The following EXTL3 variants were observed in gnomAD, a reference collection of about 807,000 sequenced individuals.
The protein encoded by EXTL3 is exostosin like glycosyltransferase 3.
A neutral mutation model predicts 69.3 loss-of-function variants in EXTL3; 27 were observed. The ratio of observed to expected loss-of-function variants is 0.39; its 90% CI spans 0.29 to 0.54. The LOEUF (loss-of-function observed/expected upper bound fraction) is 0.54. Among genes scored for constraint, EXTL3 ranks in the 20% least tolerant of loss-of-function variants. The pLI, the probability that EXTL3 is intolerant of heterozygous loss-of-function variation, is 0.69. For missense variants in EXTL3, 1,003 were observed against 1,231.8 expected (o/e 0.81, Z 2.78); for synonymous variants, 511 against 499.4 (o/e 1.02, Z -0.31).
intron 1 of EXTL3, among the ~76,000 whole-genome samples, chr8:28,712,640 T>C (rs1182248919): frequency 6.6e-6 from 1 of 152,218 alleles, no homozygotes; most frequent in East Asian, 1.9e-4. Context: ...TTTTCTTTTG[T>C]GCTTGAAATA....
At chr8:28,695,497 T>C (rs1433725979) in intron 1 of EXTL3, among the ~76,000 whole-genome samples, 2 of 152,250 alleles carry the variant, frequency 1.3e-5, no homozygotes, top group African/African-American at 4.8e-5. Context: ...GTCAACAGCC[T>C]CTGAGGCTTC....
At chr8:28,731,616 C>T (rs1386587918) in intron 4 of EXTL3, among the ~76,000 whole-genome samples, 27 of 152,186 alleles carry the variant, frequency 1.8e-4, no homozygotes, top group Admixed American at 1.8e-3. Flanking sequence ...CCCTGGTTAC[C>T]TGCCTGTTCC....
chr8:28,750,193 G>A lies in EXTL3; in HGVS notation c.2551-464G>A, dbSNP rs574932475. Among the ~76,000 whole-genome samples, 1 of 152,286 alleles carries A rather than the reference G, an allele frequency of 6.6e-6. No homozygotes were observed. The highest frequency in any genetic ancestry group is 1.9e-4 in the East Asian group (1 of 5,190). ...TGGCCACTTTCCCATGGCTTTAAAT[G>A]TAGTTAAGCATCTTTTTTATGGACA... is the stretch of plus-strand genomic sequence containing the variant. On this transcript the variant is annotated intron_variant, in intron 6 of 6. Coordinates refer to ENST00000220562, the MANE Select transcript of EXTL3 (RefSeq NM_001440.4). The surrounding 1 kb of genome is among the most constrained non-coding windows in gnomAD (Gnocchi z 5.2).
At chr8:28,620,665 CTG>C (rs1480575349), upstream of EXTL3, among the ~76,000 whole-genome samples, 2 of 152,214 alleles carry the variant, frequency 1.3e-5, no homozygotes, top group African/African-American at 4.8e-5. Flanking sequence ...AACAAAAACA[CTG>C]TAATCAATTT....
At chr8:28,657,764 A>G (rs780134252) in intron 1 of EXTL3, among the ~76,000 whole-genome samples, 13 of 152,138 alleles carry the variant, frequency 8.5e-5, no homozygotes, top group Non-Finnish European at 1.6e-4. Context: ...ACACAACTTG[A>G]AGCCAGTAGC....
upstream of EXTL3, among the ~76,000 whole-genome samples, chr8:28,698,769 G>A (rs1800724737): frequency 6.6e-6 from 1 of 152,134 alleles, no homozygotes; most frequent in African/African-American, 2.4e-5. Flanking sequence ...CGAGGTGGGC[G>A]GATCACTTGA....
At chr8:28,712,290 G>T (rs535442504) in intron 1 of EXTL3, among the ~76,000 whole-genome samples, 1 of 152,284 alleles carries the variant, frequency 6.6e-6, no homozygotes, top group East Asian at 1.9e-4. Context: ...GAGAGCAAGG[G>T]GAAGAGCGAT....
chr8:28,630,046 T>G (rs1366468968), intron 1 of EXTL3, among the ~76,000 whole-genome samples: 2 of 152,162 alleles, frequency 1.3e-5, no homozygotes, highest in East Asian at 3.9e-4. Context: ...CCTCTTTTTC[T>G]TTTTTAACTG....
In EXTL3 at chr8:28,676,134, A is replaced by G. The variant is rs78278453; in HGVS notation, c.-52-37323A>G. 3.9e-3 allele frequency among the ~76,000 whole-genome samples: 591 copies of G among 152,202 alleles called. 5 individuals carry two copies. Among genetic ancestry groups the G allele is most frequent in the African/African-American group, 0.014 (572 of 41,526 alleles). On this transcript the variant is annotated intron_variant, in intron 1 of 6. Transcript: ENST00000523149. ...CGTGAGTGAACTGGAGATGGTGGAC[A>G]TGTCTTGGTTTAATGTGGAGGAAGG...
intron 1 of EXTL3, among the ~76,000 whole-genome samples, chr8:28,676,582 G>A (rs1014822382): frequency 6.6e-6 from 1 of 152,138 alleles, no homozygotes; most frequent in Non-Finnish European, 1.5e-5. Flanking sequence ...AAGAGGTCTG[G>A]GATAGAGACA....
At chr8:28,619,314 A>C (rs909211676), upstream of EXTL3, among the ~76,000 whole-genome samples, 1 of 125,470 alleles carries the variant, frequency 8.0e-6, no homozygotes, top group East Asian at 2.4e-4. Context: ...AAAAAAAAAA[A>C]ACCCTGTGTG....
intron 1 of EXTL3, among the ~76,000 whole-genome samples, chr8:28,625,914 A>C (rs1225444718): frequency 1.4e-5 from 2 of 144,540 alleles, no homozygotes; most frequent in Non-Finnish European, 3.0e-5. Context: ...TAATCCCAGC[A>C]CTTTGGGAGG....
chr8:28,716,290 G>A lies in EXTL3; in HGVS notation c.231G>A (p.Lys77=), dbSNP rs1012943161. Residue 77 remains lysine, a synonymous_variant, in exon 3 of 7, where the codon AAG becomes AAA. Transcript: ENST00000220562. The surrounding 1 kb of genome is among the most constrained non-coding windows in gnomAD (Gnocchi z 7.1). ...PRVGNELCEV[K]HVLDLCRIRE... is the part of the protein sequence containing the mutation. ...TGGGGAACGAGCTGTGCGAGGTGAA[G>A]CACGTGCTGGATCTGTGCCGCATCC... is the stretch of plus-strand genomic sequence containing the variant. 9.3e-6 allele frequency: 15 copies of A among 1,614,104 alleles called. No homozygotes were observed. The African/African-American group carries it at 1.3e-4, about 14-fold the overall frequency.
chr8:28,651,716 T>G (rs543342585), intron 1 of EXTL3, among the ~76,000 whole-genome samples: 6 of 152,352 alleles, frequency 3.9e-5, no homozygotes, highest in Admixed American at 3.3e-4. Flanking sequence ...AACATAAAAT[T>G]TCCCACTTAA....
At chr8:28,674,482 C>G (rs1807347939) in intron 1 of EXTL3, among the ~76,000 whole-genome samples, 1 of 152,184 alleles carries the variant, frequency 6.6e-6, no homozygotes, top group Non-Finnish European at 1.5e-5. Context: ...GATTCACATT[C>G]CTAGTTCATG....
rs143223484 is a variant in EXTL3, at chr8:28,704,053, A to G, written c.-570+2394A>G. On this transcript the variant is annotated intron_variant, in intron 1 of 6. Coordinates refer to ENST00000220562, the MANE Select transcript of EXTL3 (RefSeq NM_001440.4). ...TTCTTTTCTTGCCTGAACCAGTTGCACAGTCCTTTTAAATTTTCAGTCATT... is the reference window on the plus strand; with the variant it reads ...TTCTTTTCTTGCCTGAACCAGTTGCGCAGTCCTTTTAAATTTTCAGTCATT... 1.0e-2 allele frequency among the ~76,000 whole-genome samples: 1,519 copies of G among 152,300 alleles called. 10 individuals carry two copies. Among genetic ancestry groups the G allele is most frequent in the South Asian group, 0.014 (68 of 4,830 alleles).
At chr8:28,614,217 G>T (rs1318616193) in intron 2 of EXTL3, among the ~76,000 whole-genome samples, 1 of 145,038 alleles carries the variant, frequency 6.9e-6, no homozygotes, top group Non-Finnish European at 1.5e-5. Flanking sequence ...CAGTTTCTTT[G>T]ATTTTTAGCC....
chr8:28,633,319 C>T (rs898776186), intron 1 of EXTL3, among the ~76,000 whole-genome samples: 1 of 151,952 alleles, frequency 6.6e-6, no homozygotes, highest in Non-Finnish European at 1.5e-5. Context: ...GCCTAGGCAT[C>T]AGAATGAGAC....
intron 1 of EXTL3, among the ~76,000 whole-genome samples, chr8:28,654,228 C>A (rs1806970679): frequency 6.6e-6 from 1 of 152,070 alleles, no homozygotes; most frequent in Non-Finnish European, 1.5e-5. Flanking sequence ...TTTTTAATAC[C>A]AGAATTGGTT....
Sources: gnomAD v4.1 joint callset for allele counts (sites outside exome capture counted in the v4.1 genomes callset) on GRCh38, gnomAD v4.1.1 for gene constraint, Gnocchi (gnomAD v3.1) non-coding constraint, MANE v1.5 for transcripts, NCBI Gene and HGNC (gene_info 2026-07-23, HGNC 2026-07-21) for gene names.